BCAS3: variants seen among roughly 807,000 people sequenced by gnomAD.
The protein encoded by BCAS3 is BCAS4/BCAS3 fusion.
In BCAS3, 53 loss-of-function variants were observed where a neutral mutation model predicts 116.1. The observed-to-expected ratio is 0.46, with a 90% CI of 0.37 to 0.57. The LOEUF (loss-of-function observed/expected upper bound fraction) is 0.57. BCAS3 is among the 20% of genes least tolerant of loss of function. The pLI is 0.00. For missense variants in BCAS3, 917 were observed against 1,165.4 expected, an observed-to-expected ratio of 0.79 and a Z score of 3.10; for synonymous variants, 391 against 408.2, an observed-to-expected ratio of 0.96 and a Z score of 0.51.
rs769167377 is a variant in BCAS3 at position 61,380,485 on chromosome 17, A to G, written c.2594-11492A>G. The G allele has an allele frequency of 3.1e-6, 5 of 1,592,366 alleles. No homozygotes were observed. Among genetic ancestry groups the G allele is most frequent in the Non-Finnish European group, 3.4e-6 (4 of 1,174,650 alleles). On this transcript the variant is annotated intron_variant, in intron 23 of 23. Coordinates refer to ENST00000407086, the MANE Select transcript of BCAS3 (RefSeq NM_017679.5). The surrounding 1 kb of genome is among the most constrained non-coding windows in gnomAD (Gnocchi z 4.2). ...TCCAGTTTGTGATCCGCTTTAAAGG[A>G]ATATTTTATTTTCAATACAGACACA...
At chr17:60,904,675 A>G (rs1289811833) in intron 11 of BCAS3, among the ~76,000 whole-genome samples, 1 of 152,138 alleles carries the variant, frequency 6.6e-6, no homozygotes, top group Non-Finnish European at 1.5e-5. Flanking sequence ...CTACAAAAAA[A>G]TTTAAAAATT....
intron 22 of BCAS3, among the ~76,000 whole-genome samples, chr17:61,267,724 GAAAAA>G (rs969764232): frequency 6.8e-5 from 8 of 116,954 alleles, no homozygotes; most frequent in Non-Finnish European, 1.5e-4. Context: ...TCCGTCTCCA[GAAAAA>G]AAAAAAAAGA....
At chr17:61,170,224 C>A (rs978670644) in intron 22 of BCAS3, among the ~76,000 whole-genome samples, 1 of 151,568 alleles carries the variant, frequency 6.6e-6, no homozygotes, top group Admixed American at 6.6e-5. Flanking sequence ...AATGCAGGCA[C>A]CAGACTTACC....
intron 14 of BCAS3, among the ~76,000 whole-genome samples, chr17:60,969,256 C>A (rs925374732): frequency 1.3e-5 from 2 of 152,052 alleles, no homozygotes; most frequent in Non-Finnish European, 2.9e-5. Context: ...CTGGAAGTCT[C>A]CATCTTCTAG....
chr17:60,859,015 A>G (rs1211115382), intron 7 of BCAS3, among the ~76,000 whole-genome samples: 1 of 152,046 alleles, frequency 6.6e-6, no homozygotes, highest in Non-Finnish European at 1.5e-5. Context: ...TTTATTTTTC[A>G]TGCATGAAAT....
chr17:61,330,046 G>A (rs576470940), intron 22 of BCAS3, among the ~76,000 whole-genome samples: 11 of 152,296 alleles, frequency 7.2e-5, no homozygotes, highest in African/African-American at 2.2e-4. Flanking sequence ...AACCAATGTT[G>A]CAGTACAGAA....
intron 15 of BCAS3, among the ~76,000 whole-genome samples, chr17:60,998,390 T>A (rs564841010): frequency 6.6e-6 from 1 of 152,234 alleles, no homozygotes; most frequent in African/African-American, 2.4e-5. Flanking sequence ...TGTCAGATGG[T>A]AATTCTATTT....
At chr17:60,702,692 C>G (rs2036571476) in intron 4 of BCAS3, among the ~76,000 whole-genome samples, 1 of 152,126 alleles carries the variant, frequency 6.6e-6, no homozygotes, top group Non-Finnish European at 1.5e-5. Flanking sequence ...GGGGCTCAAG[C>G]AATCTTCCCA....
intron 22 of BCAS3, among the ~76,000 whole-genome samples, chr17:61,187,664 G>A (rs535893571): frequency 6.6e-6 from 1 of 152,272 alleles, no homozygotes; most frequent in Non-Finnish European, 1.5e-5. Context: ...CTTGTCATTA[G>A]CAGTAACAAT....
chr17:61,392,128 A>G lies in BCAS3; in HGVS notation c.*3A>G. The G allele has an allele frequency of 2.5e-6, 4 of 1,612,776 alleles. No homozygotes were observed. The highest frequency in any genetic ancestry group is 3.4e-6 in the Non-Finnish European group (4 of 1,179,592). Reference sequence around the variant, plus strand: ...TCTTCCCGACTGGCTTCCCGTAGGTACCAGCAACCTGCTTCTGACTGGCCA... The same window carrying G: ...TCTTCCCGACTGGCTTCCCGTAGGTGCCAGCAACCTGCTTCTGACTGGCCA... On this transcript the variant is annotated 3_prime_UTR_variant, in exon 24 of 24. Transcript: ENST00000407086. This position sits in a 1 kb window ranked among gnomAD's most constrained non-coding sequence, Gnocchi z 6.4.
rs1210360641 is a variant in BCAS3, at chr17:61,368,168, A to G, written c.2426-159A>G. 17 of 658,302 alleles carry G rather than the reference A, an allele frequency of 2.6e-5. No individual in the cohort carries two copies. The highest frequency in any genetic ancestry group is 3.9e-5 in the Non-Finnish European group (16 of 405,600). 40.8% of individuals were successfully genotyped at this position (658,302 alleles called of 1,614,324 possible). A position where few individuals can be genotyped will look rare whatever the true frequency, so the allele number is the denominator to read the frequency against. ...CTGCACTCTCTCAGCGGCATGAGCT[A>G]TTTCTCCTGCGCTACCCAGTCTGTT... On this transcript the variant is annotated intron_variant, in intron 22 of 23. Coordinates refer to ENST00000407086, the MANE Select transcript of BCAS3 (RefSeq NM_017679.5). This position sits in a 1 kb window ranked among gnomAD's most constrained non-coding sequence, Gnocchi z 6.0.
At chr17:60,856,630 G>A (rs2053695927) in intron 7 of BCAS3, among the ~76,000 whole-genome samples, 1 of 152,040 alleles carries the variant, frequency 6.6e-6, no homozygotes, top group South Asian at 2.1e-4. Flanking sequence ...GGCAGAGGTA[G>A]CAGTGAGCCA....
At chr17:60,728,020 G>C (rs1011619870) in intron 5 of BCAS3, among the ~76,000 whole-genome samples, 1 of 151,894 alleles carries the variant, frequency 6.6e-6, no homozygotes, top group African/African-American at 2.4e-5. Context: ...TGTTACCCAG[G>C]CTGTTCTGGA....
At chr17:61,240,734 A>G (rs2047441145) in intron 22 of BCAS3, among the ~76,000 whole-genome samples, 1 of 152,206 alleles carries the variant, frequency 6.6e-6, no homozygotes, top group Non-Finnish European at 1.5e-5. Context: ...TAAAAAGTTT[A>G]AAACAGATTT....
chr17:60,798,992 A>G (rs2144579902), intron 6 of BCAS3, among the ~76,000 whole-genome samples: 1 of 152,348 alleles, frequency 6.6e-6, no homozygotes, highest in Admixed American at 6.5e-5. Flanking sequence ...GGGTGACCTC[A>G]GGTCTTTTGC....
In BCAS3 at chr17:61,388,620, A is replaced by G. The variant is rs1403917859; in HGVS notation, c.2594-3357A>G. On this transcript the variant is annotated intron_variant, in intron 23 of 23. Coordinates refer to ENST00000407086, the MANE Select transcript of BCAS3 (RefSeq NM_017679.5). The surrounding 1 kb of genome is among the most constrained non-coding windows in gnomAD (Gnocchi z 6.5). Reference sequence around the variant, plus strand: ...CTCAATGCTTTTCTTTTCAAAAGGGAAAAAAAAAGGAAAAAAAAAACAATG... The same window carrying G: ...CTCAATGCTTTTCTTTTCAAAAGGGGAAAAAAAAGGAAAAAAAAAACAATG... 1.3e-5 allele frequency: 20 copies of G among 1,517,678 alleles called. No homozygotes were observed. Among genetic ancestry groups the G allele is most frequent in the Non-Finnish European group, 1.7e-5 (19 of 1,137,080 alleles). The allele number at this position is 1,517,678 out of a possible 1,614,324, so 94.0% of individuals were successfully genotyped here. A position where few individuals can be genotyped will look rare whatever the true frequency, so the allele number is the denominator to read the frequency against.
In BCAS3 at chr17:60,990,445, T is replaced by C. The variant is rs2063451188; in HGVS notation, c.1486+210T>C. ...TACCATGCTATTTTAACTCCCTGTT[T>C]CAATATATAAGGGATATTTGGTATC... On this transcript the variant is annotated intron_variant, in intron 15 of 23. Coordinates refer to ENST00000407086, the MANE Select transcript of BCAS3 (RefSeq NM_017679.5). The surrounding 1 kb of genome is among the most constrained non-coding windows in gnomAD (Gnocchi z 5.1). Among the ~76,000 whole-genome samples the C allele has an allele frequency of 6.6e-6, 1 of 152,340 alleles. No individual in the cohort carries two copies. The highest frequency in any genetic ancestry group is 2.1e-4 in the South Asian group (1 of 4,830).
In BCAS3 at chr17:60,705,462, T is replaced by G. The variant is rs896642165; in HGVS notation, c.215-3757T>G. 3.4e-5 allele frequency among the ~76,000 whole-genome samples: 5 copies of G among 145,552 alleles called. No individual in the cohort carries two copies. The Admixed American group carries it at 3.6e-4, about 10-fold the overall frequency. ...CCTGGGAGGCGGAGTTTCAGTGAGC[T>G]GAGATCATGCCACTGTATTCCAGCT... On this transcript the variant is annotated intron_variant, in intron 4 of 23. Coordinates refer to ENST00000407086, the MANE Select transcript of BCAS3 (RefSeq NM_017679.5).
rs2143927612 is a variant in BCAS3 at position 61,139,539 on chromosome 17, G to C, written c.2425+54975G>C. On this transcript the variant is annotated intron_variant, in intron 22 of 23. Coordinates refer to ENST00000407086, the MANE Select transcript of BCAS3 (RefSeq NM_017679.5). The surrounding 1 kb of genome is among the most constrained non-coding windows in gnomAD (Gnocchi z 4.7). The stretch of plus-strand genomic sequence containing the variant: ...AAGCCATAATGTATAATGTTCAGGA[G>C]TGGGTGAGCTACCTAAGAAACTCCC... Among the ~76,000 whole-genome samples, 1 of 152,344 alleles carries C rather than the reference G, an allele frequency of 6.6e-6. No homozygotes were observed. The highest frequency in any genetic ancestry group is 1.5e-5 in the Non-Finnish European group (1 of 68,032).
Sources: allele counts gnomAD v4.1 joint callset (sites outside exome capture counted in the v4.1 genomes callset), GRCh38; gene constraint gnomAD v4.1.1; non-coding constraint Gnocchi (gnomAD v3.1); transcripts MANE v1.5; gene names NCBI Gene and HGNC (gene_info 2026-07-23, HGNC 2026-07-21).